Variants in PDZRN3 observed in about 807,000 individuals in gnomAD.
PDZRN3 encodes the protein PDZ domain containing ring finger 3.
A neutral mutation model predicts 85.7 loss-of-function variants in PDZRN3; 38 were observed. The observed-to-expected ratio is 0.44, with a 90% CI of 0.34 to 0.58. The LOEUF is 0.58. PDZRN3 is among the 20% of genes least tolerant of loss of function. The pLI is 0.01. For synonymous variants in PDZRN3, 759 were observed against 638.0 expected (o/e 1.19, Z -2.86); for missense variants, 1,629 against 1,506.4 (o/e 1.08, Z -1.35).
intron 3 of PDZRN3, among the ~76,000 whole-genome samples, chr3:73,413,072 A>G (rs1702005007): frequency 6.6e-6 from 1 of 152,252 alleles, no homozygotes. Context: ...TGATGTAATT[A>G]AAGTAAAGCT....
intron 3 of PDZRN3, among the ~76,000 whole-genome samples, chr3:73,512,033 C>T (rs1432101624): frequency 6.6e-6 from 1 of 152,206 alleles, no homozygotes; most frequent in African/African-American, 2.4e-5. Context: ...CTTTGGTAAG[C>T]AAGTTTGTTA....
chr3:73,604,646 G>A (rs1702566893), intron 2 of PDZRN3, among the ~76,000 whole-genome samples: 1 of 152,124 alleles, frequency 6.6e-6, no homozygotes, highest in African/African-American at 2.4e-5. Context: ...TTATGAACAA[G>A]CTTGAGTTCC....
chr3:73,516,392 C>T (rs900826378), intron 3 of PDZRN3, among the ~76,000 whole-genome samples: 2 of 152,210 alleles, frequency 1.3e-5, no homozygotes, highest in Non-Finnish European at 2.9e-5. Context: ...TATTATCCAA[C>T]TGTTACATCT....
intron 3 of PDZRN3, among the ~76,000 whole-genome samples, chr3:73,479,933 G>A (rs1703529797): frequency 1.3e-5 from 2 of 152,186 alleles, no homozygotes; most frequent in African/African-American, 4.8e-5. Flanking sequence ...AGCTGCAAGG[G>A]ACAGGGTAGT....
rs749648681 is a variant in PDZRN3 at position 73,384,054 on chromosome 3, T to C, written c.2512A>G (p.Lys838Glu). Reference protein sequence around the residue: ...ELDPNQPLESKERRASDGSRS... With the variant: ...ELDPNQPLESEERRASDGSRS... ...CTCCCGTCGCTGGCTCTCCGCTCTTTGCTTTCCAGGGGCTGGTTGGGGTCC... is the reference window on the plus strand; with the variant it reads ...CTCCCGTCGCTGGCTCTCCGCTCTTCGCTTTCCAGGGGCTGGTTGGGGTCC... Residue 838 changes from lysine (K) to glutamate (E), a missense_variant, in exon 10 of 10, where the codon AAA becomes GAA. Lys to Glu is a moderately conservative substitution (Grantham distance 56). Transcript: ENST00000263666. 6.2e-7 allele frequency: 1 copy of C among 1,607,048 alleles called. No homozygotes were observed. The highest frequency in any genetic ancestry group is 1.1e-5 in the South Asian group (1 of 90,146).
intron 3 of PDZRN3, among the ~76,000 whole-genome samples, chr3:73,529,462 C>T (rs1559724051): frequency 6.6e-6 from 1 of 152,224 alleles, no homozygotes; most frequent in Non-Finnish European, 1.5e-5. Context: ...TGGCTCTGTA[C>T]CCCTGCTACA....
intron 3 of PDZRN3, among the ~76,000 whole-genome samples, chr3:73,415,319 A>G (rs1460110430): frequency 6.6e-6 from 1 of 152,228 alleles, no homozygotes; most frequent in Non-Finnish European, 1.5e-5. Context: ...AAAACCTGGT[A>G]CAACTGATGG....
At chr3:73,391,540 A>ACAGT (rs1257226314) in intron 5 of PDZRN3, among the ~76,000 whole-genome samples, 2 of 152,208 alleles carry the variant, frequency 1.3e-5, no homozygotes, top group African/African-American at 2.4e-5. Flanking sequence ...CTTAATATTC[A>ACAGT]CAGTCATAGA....
At chr3:73,401,187 C>T in intron 4 of PDZRN3, 178 bp from the exon 5 acceptor site, 1 of 559,542 alleles carries the variant, frequency 1.8e-6, no homozygotes, top group Non-Finnish European at 3.2e-6. Context: ...CCTAATTTTA[C>T]CATTTGCCTT....
chr3:73,457,039 A>G (rs1043059601), intron 3 of PDZRN3, among the ~76,000 whole-genome samples: 2 of 152,080 alleles, frequency 1.3e-5, no homozygotes, highest in Non-Finnish European at 2.9e-5. Flanking sequence ...AAGTAATATG[A>G]ATGGATTCAT....
intron 3 of PDZRN3, among the ~76,000 whole-genome samples, chr3:73,543,422 T>A (rs938715388): frequency 6.6e-6 from 1 of 152,176 alleles, no homozygotes; most frequent in Non-Finnish European, 1.5e-5. Context: ...GAGGCAAAAT[T>A]GAGTCTTAAC....
chr3:73,508,965 C>T (rs967415003), intron 3 of PDZRN3, among the ~76,000 whole-genome samples: 7 of 152,170 alleles, frequency 4.6e-5, no homozygotes, highest in African/African-American at 1.4e-4. Context: ...AGGCCTAAAA[C>T]GTCTCTGCAG....
At chr3:73,440,940 G>A (rs924064511) in intron 3 of PDZRN3, among the ~76,000 whole-genome samples, 1 of 152,130 alleles carries the variant, frequency 6.6e-6, no homozygotes, top group Non-Finnish European at 1.5e-5. Flanking sequence ...ACAGTCTGTG[G>A]GTGTGCACTA....
intron 3 of PDZRN3, among the ~76,000 whole-genome samples, chr3:73,544,670 GAAT>G (rs1395789154): frequency 6.7e-6 from 1 of 150,152 alleles, no homozygotes; most frequent in Non-Finnish European, 1.5e-5. Flanking sequence ...TGACTACCCT[GAAT>G]TTCCACTATC....
At chr3:73,538,717 C>T (rs762093170) in intron 3 of PDZRN3, among the ~76,000 whole-genome samples, 1 of 152,088 alleles carries the variant, frequency 6.6e-6, no homozygotes, top group African/African-American at 2.4e-5. Flanking sequence ...ATCCATTTTT[C>T]TCCTGCATAG....
intron 3 of PDZRN3, among the ~76,000 whole-genome samples, chr3:73,526,091 G>C (rs981467172): frequency 6.6e-6 from 1 of 152,160 alleles, no homozygotes; most frequent in Non-Finnish European, 1.5e-5. Context: ...TCTCTGGGCG[G>C]TAGTTTCTTC....
At chr3:73,600,337 A>ACACACTCTCTCTCTCTCTCT (rs34405662) in intron 3 of PDZRN3, among the ~76,000 whole-genome samples, 30 of 100,072 alleles carry the variant, frequency 3.0e-4, no homozygotes, top group African/African-American at 1.2e-3. Context: ...ACACACACAC[A>ACACACTCTCTCTCTCTCTCT]CTCTCTCTCT....
intron 3 of PDZRN3, among the ~76,000 whole-genome samples, chr3:73,565,030 T>C (rs10222569): frequency 0.02 from 3,010 of 152,150 alleles, 107 homozygotes; most frequent in African/African-American, 0.068. Flanking sequence ...AAGGTAACTG[T>C]ACACACAATA....
At chr3:73,620,880 C>A (rs1702847972) in intron 1 of PDZRN3, among the ~76,000 whole-genome samples, 2 of 152,336 alleles carry the variant, frequency 1.3e-5, no homozygotes, top group South Asian at 4.1e-4. Flanking sequence ...CCGGCCTAGG[C>A]AGTCTGGGTT....
Sources: allele counts gnomAD v4.1 joint callset (sites outside exome capture counted in the v4.1 genomes callset), GRCh38; gene constraint gnomAD v4.1.1; transcripts MANE v1.5; gene names NCBI Gene and HGNC (gene_info 2026-07-23, HGNC 2026-07-21).